Variants in ANKRD36C observed in about 807,000 individuals in gnomAD.
ANKRD36C encodes ankyrin repeat domain 36C, also known as ankyrin repeat domain-containing protein 36C.
Under a neutral mutation model 276.4 loss-of-function variants are expected in ANKRD36C, and 61 were observed. The ratio of observed to expected loss-of-function variants is 0.22; its 90% CI spans 0.18 to 0.27. The LOEUF (loss-of-function observed/expected upper bound fraction) is 0.27. Among genes scored for constraint, ANKRD36C ranks in the 10% least tolerant of loss-of-function variants. The probability of loss-of-function intolerance (pLI) is 1.00; values close to 1 mark genes in which losing one functional copy is unlikely to be tolerated. For synonymous variants in ANKRD36C, 483 were observed against 680.1 expected (o/e 0.71, Z 4.51); for missense variants, 1,447 against 2,032.3 (o/e 0.71, Z 5.54).
intron 36 of ANKRD36C, among the ~76,000 whole-genome samples, chr2:95,917,300 T>G (rs1318686817): frequency 1.3e-5 from 2 of 151,630 alleles, no homozygotes; most frequent in African/African-American, 2.4e-5. Context: ...CAAATGCATG[T>G]GAAGTGAGTC....
intron 18 of ANKRD36C, 105 bp downstream of exon 18, chr2:95,945,009 C>G (rs1573791103): frequency 7.1e-7 from 1 of 1,401,766 alleles, no homozygotes; most frequent in South Asian, 1.3e-5. Flanking sequence ...TGCACTCCAG[C>G]CTGGGCAACA....
intron 60 of ANKRD36C, among the ~76,000 whole-genome samples, chr2:95,860,322 A>T (rs919077054): frequency 1.4e-5 from 2 of 140,802 alleles, no homozygotes; most frequent in Non-Finnish European, 3.1e-5. Context: ...TAGGTCCTGT[A>T]AAAAAAAAAA....
At position 95,908,319 on chromosome 2, in the gene ANKRD36C, G is replaced by T. The variant is rs145477016; in HGVS notation, c.2653+3925C>A. Among the ~76,000 whole-genome samples, 479 of 150,664 alleles carry T rather than the reference G, an allele frequency of 3.2e-3. 21 individuals are homozygous for T. The East Asian group carries it at 0.065, about 20-fold the overall frequency. ...AATATGGGGAAGTGTATAATCTTAC[G>T]GCGAAGATCATGTTCCAGACCAGCA... On this transcript the variant is annotated intron_variant, in intron 42 of 66. Transcript: ENST00000456556.
intron 59 of ANKRD36C, among the ~76,000 whole-genome samples, chr2:95,873,242 A>G (rs1001972008): frequency 1.3e-5 from 2 of 152,116 alleles, no homozygotes; most frequent in African/African-American, 4.8e-5. Flanking sequence ...CAGTATCCTT[A>G]ATGAACATTG....
chr2:95,903,243 G>T (rs1456579128), intron 42 of ANKRD36C, among the ~76,000 whole-genome samples, 162 bp from the exon 53 acceptor site: 2 of 150,596 alleles, frequency 1.3e-5, no homozygotes, highest in Non-Finnish European at 3.0e-5. Flanking sequence ...ACGGAAATAT[G>T]CTGAGAAAAG....
chr2:95,943,516 T>G (rs1446500666), intron 19 of ANKRD36C, among the ~76,000 whole-genome samples: 2 of 150,968 alleles, frequency 1.3e-5, no homozygotes, highest in Non-Finnish European at 3.0e-5. Flanking sequence ...AATTTTAATT[T>G]TTATTAATTT....
downstream of ANKRD36C, among the ~76,000 whole-genome samples, chr2:95,849,525 T>G (rs1437957765): frequency 6.6e-6 from 1 of 152,194 alleles, no homozygotes; most frequent in Non-Finnish European, 1.5e-5. Flanking sequence ...GGGGGATGGT[T>G]TCAGGATGGT....
At chr2:95,878,847 G>C (rs1051316852) in intron 58 of ANKRD36C, among the ~76,000 whole-genome samples, 3 of 152,046 alleles carry the variant, frequency 2.0e-5, no homozygotes, top group Admixed American at 1.3e-4. Context: ...CAGAACCCTC[G>C]TACACCATTG....
At chr2:95,965,713 A>T (rs1221591261) in intron 6 of ANKRD36C, among the ~76,000 whole-genome samples, 1 of 152,154 alleles carries the variant, frequency 6.6e-6, no homozygotes, top group East Asian at 1.9e-4. Flanking sequence ...TGCTGCAGTC[A>T]TCACATGGCA....
intron 44 of ANKRD36C, among the ~76,000 whole-genome samples, chr2:95,894,461 G>C (rs1233018116): frequency 6.6e-6 from 1 of 151,408 alleles, no homozygotes; most frequent in South Asian, 2.1e-4. Context: ...AAGTAAAACT[G>C]CTACAAGCAT....
chr2:95,943,187 A>T (rs1308405520), intron 19 of ANKRD36C, among the ~76,000 whole-genome samples: 1 of 152,312 alleles, frequency 6.6e-6, no homozygotes, highest in Non-Finnish European at 1.5e-5. Context: ...ACCTCCTATA[A>T]AATTAACCAG....
chr2:95,931,134 AT>A lies in ANKRD36C; in HGVS notation c.1736-1868del, dbSNP rs1677557056. 2.6e-5 allele frequency among the ~76,000 whole-genome samples: 4 copies of A among 151,718 alleles called. No individual in the cohort carries two copies. In the South Asian group the frequency reaches 8.3e-4, roughly 31 times the overall value. On this transcript the variant is annotated intron_variant, in intron 24 of 66. Transcript: ENST00000456556. ...TCTTCATTATTTTCACCACCACTGT[AT>A]TGTGACATCTGTACAATCCCATTCT...
At chr2:95,953,955 A>G in exon 14 of ANKRD36C, 1 of 1,535,870 alleles carries the variant, frequency 6.5e-7, no homozygotes, top group Non-Finnish European at 8.7e-7. Flanking sequence ...TTCCAAAGCA[A>G]ACTCATCCTC....
intron 42 of ANKRD36C, among the ~76,000 whole-genome samples, chr2:95,904,116 A>C (rs1573753615): frequency 8.2e-6 from 1 of 121,356 alleles, no homozygotes; most frequent in Non-Finnish European, 1.7e-5. Flanking sequence ...GTAATGAGTC[A>C]GTGTGTGTGT....
intron 42 of ANKRD36C, 117 bp downstream of exon 44, chr2:95,912,127 A>G: frequency 7.1e-7 from 1 of 1,400,348 alleles, no homozygotes; most frequent in East Asian, 2.5e-5. Flanking sequence ...GAAATGAAGA[A>G]TCTCAGGCCT....
chr2:95,989,654 A>T (rs1409424623), intron 1 of ANKRD36C, among the ~76,000 whole-genome samples: 1 of 152,076 alleles, frequency 6.6e-6, no homozygotes, highest in African/African-American at 2.4e-5. Context: ...TTTCCTAGAG[A>T]TATTTTAGTA....
intron 59 of ANKRD36C, among the ~76,000 whole-genome samples, chr2:95,870,015 C>T (rs922933628): frequency 2.6e-5 from 4 of 152,224 alleles, no homozygotes; most frequent in Non-Finnish European, 5.9e-5. Flanking sequence ...CTGGGAAGCT[C>T]GAACTGGGTG....
intron 32 of ANKRD36C, among the ~76,000 whole-genome samples, chr2:95,922,997 A>C (rs1282768821): frequency 6.6e-6 from 1 of 151,610 alleles, no homozygotes; most frequent in Non-Finnish European, 1.5e-5. Flanking sequence ...AAATTACATA[A>C]ATAACTTCTT....
At chr2:95,875,243 C>T (rs367624984) in intron 59 of ANKRD36C, among the ~76,000 whole-genome samples, 6 of 151,918 alleles carry the variant, frequency 3.9e-5, no homozygotes, top group African/African-American at 7.3e-5. Flanking sequence ...ATGTTTATTG[C>T]GGCACTATTC....
Sources: allele counts gnomAD v4.1 joint callset (sites outside exome capture counted in the v4.1 genomes callset), GRCh38; gene constraint gnomAD v4.1.1; transcripts MANE v1.5; gene names NCBI Gene and HGNC (gene_info 2026-07-23, HGNC 2026-07-21).